Variants in ITGA2 observed in about 807,000 individuals in gnomAD.
ITGA2 encodes the protein integrin subunit alpha 2.
A neutral mutation model predicts 146.3 loss-of-function variants in ITGA2; 101 were observed. The observed-to-expected ratio is 0.69, with a 90% CI of 0.59 to 0.81. The LOEUF (loss-of-function observed/expected upper bound fraction) is 0.81, where lower values mean the gene tolerates loss of function less well. ITGA2 is among the 40% of genes least tolerant of loss of function. The pLI, the probability that ITGA2 is intolerant of heterozygous loss-of-function variation, is 0.00. For synonymous variants in ITGA2, 477 were observed against 487.1 expected, an observed-to-expected ratio of 0.98 and a Z score of 0.27; for missense variants, 1,281 against 1,402.7, an observed-to-expected ratio of 0.91 and a Z score of 1.39.
rs80331976 is a variant in ITGA2 at position 53,075,074 on chromosome 5, T to C, written c.2678T>C (p.Ile893Thr). The C allele has an allele frequency of 4.7e-3, 7,569 of 1,610,058 alleles. 33 individuals are homozygous for C. Among genetic ancestry groups the C allele is most frequent in the Non-Finnish European group, 5.5e-3 (6,442 of 1,177,514 alleles). Residue 893 changes from isoleucine (I) to threonine (T), a missense_variant, in exon 22 of 30, where the codon ATT becomes ACT. This residue lies in a region of ITGA2 where 475 missense variants were observed against 530.5 expected (regional missense o/e 0.90). Transcript: ENST00000296585. Reference protein sequence around the residue: ...LKREQQVTFTINFDFNLQNLQ... With the variant: ...LKREQQVTFTTNFDFNLQNLQ... ...TTTTGTCTTTAGGTGACTTTTACTA[T>C]TAACTTTGACTTCAATCTTCAAAAC...
intron 1 of ITGA2, among the ~76,000 whole-genome samples, chr5:53,006,727 G>A (rs1205051280): frequency 1.3e-5 from 2 of 152,128 alleles, no homozygotes; most frequent in East Asian, 1.9e-4. Flanking sequence ...AAGTGAAGCC[G>A]AAGTTTCAGG....
intron 26 of ITGA2, among the ~76,000 whole-genome samples, chr5:53,082,707 G>T (rs185086421): frequency 8.3e-4 from 127 of 152,184 alleles, no homozygotes; most frequent in Non-Finnish European, 1.5e-3. Context: ...TTACATTAGG[G>T]TTCACTCTTG....
Position 53,094,627 on chromosome 5 carries a change from A to C in ITGA2, c.*4028A>C, listed in dbSNP as rs879585300. The C allele has an allele frequency of 2.5e-4, 37 of 150,372 alleles. No homozygotes were observed. The highest frequency in any genetic ancestry group is 5.3e-4 in the Non-Finnish European group (36 of 67,642). The allele number at this position is 150,372 out of a possible 1,614,324, so 9.3% of individuals were successfully genotyped here. On this transcript the variant is annotated 3_prime_UTR_variant, in exon 30 of 30. Coordinates refer to ENST00000296585, the MANE Select transcript of ITGA2 (RefSeq NM_002203.4). ...TTTGATTTATGAGAAACAAAAATTA[A>C]ATTGTAGTCAACAGTTAGTAGTTTT...
chr5:53,085,835 T>G (rs1262909077), intron 27 of ITGA2, among the ~76,000 whole-genome samples: 3 of 152,214 alleles, frequency 2.0e-5, no homozygotes, highest in African/African-American at 7.2e-5. Flanking sequence ...TGCATTCCGC[T>G]TCACAGTAGC....
At chr5:53,056,566 C>A (rs1158073272) in intron 9 of ITGA2, among the ~76,000 whole-genome samples, 1 of 151,910 alleles carries the variant, frequency 6.6e-6, no homozygotes, top group Admixed American at 6.6e-5. Context: ...CTATTAGAAT[C>A]ATAAATAGTT....
intron 1 of ITGA2, among the ~76,000 whole-genome samples, chr5:53,004,120 G>T (rs1344260947): frequency 6.6e-6 from 1 of 152,074 alleles, no homozygotes; most frequent in East Asian, 1.9e-4. Context: ...CACTACTCCA[G>T]CTGCCCTAGA....
chr5:53,063,536 T>C (rs1194598830), intron 13 of ITGA2, among the ~76,000 whole-genome samples: 1 of 151,814 alleles, frequency 6.6e-6, no homozygotes, highest in Non-Finnish European at 1.5e-5. Context: ...AATCCATGTA[T>C]ATAAGTGTAG....
intron 1 of ITGA2, among the ~76,000 whole-genome samples, chr5:53,024,540 C>G (rs993283850): frequency 6.6e-6 from 1 of 152,050 alleles, no homozygotes; most frequent in African/African-American, 2.4e-5. Context: ...TAGGCACAGA[C>G]AAAAGAATAT....
rs200550681 is a variant in ITGA2 at position 53,026,821 on chromosome 5, A to T, written c.138A>T (p.Glu46Asp). The T allele has an allele frequency of 5.5e-5, 89 of 1,613,500 alleles. No individual in the cohort carries two copies. The highest frequency in any genetic ancestry group is 4.7e-5 in the Non-Finnish European group (56 of 1,179,584). Residue 46 changes from glutamate (E) to aspartate (D), a missense_variant, in exon 2 of 30, where the codon GAA becomes GAT. This residue lies in a region of ITGA2 where 795 missense variants were observed against 841.7 expected (regional missense o/e 0.94). Coordinates refer to ENST00000296585, the MANE Select transcript of ITGA2 (RefSeq NM_002203.4). ...AAATATTTTCCGGTCCTTCAAGTGA[A>T]CAGTTTGGCTATGCAGTGCAGCAGT... is the stretch of plus-strand genomic sequence containing the variant. Reference protein sequence around the residue: ...EAKIFSGPSSEQFGYAVQQFI... With the variant: ...EAKIFSGPSSDQFGYAVQQFI...
intron 1 of ITGA2, among the ~76,000 whole-genome samples, chr5:52,992,186 T>G (rs1044050263): frequency 2.0e-5 from 3 of 152,240 alleles, no homozygotes; most frequent in African/African-American, 7.2e-5. Context: ...TGAAACATCC[T>G]GTACTTCTGG....
intron 2 of ITGA2, among the ~76,000 whole-genome samples, chr5:53,027,404 A>C (rs946682011): frequency 2.0e-5 from 3 of 152,190 alleles, no homozygotes; most frequent in Admixed American, 6.5e-5. Flanking sequence ...CTAGCATATT[A>C]ACACCTTTTG....
chr5:53,034,927 G>A (rs1368852491), intron 2 of ITGA2, among the ~76,000 whole-genome samples: 1 of 152,146 alleles, frequency 6.6e-6, no homozygotes, highest in Non-Finnish European at 1.5e-5. Context: ...AAAAGGGCAG[G>A]GGTGCAGATA....
At chr5:53,003,843 C>T (rs924228519) in intron 1 of ITGA2, among the ~76,000 whole-genome samples, 2 of 152,016 alleles carry the variant, frequency 1.3e-5, no homozygotes, top group Non-Finnish European at 1.5e-5. Context: ...CAGAGTCTCA[C>T]GACGTTTGCC....
intron 15 of ITGA2, among the ~76,000 whole-genome samples, chr5:53,066,743 A>G (rs1379949440): frequency 1.3e-5 from 2 of 151,902 alleles, no homozygotes; most frequent in African/African-American, 4.8e-5. Flanking sequence ...TGAAACTTTT[A>G]TGTGGAAAAA....
intron 17 of ITGA2, among the ~76,000 whole-genome samples, chr5:53,070,732 T>G (rs1052333856): frequency 2.0e-5 from 3 of 151,902 alleles, no homozygotes; most frequent in Non-Finnish European, 4.4e-5. Flanking sequence ...TATGCTGTAA[T>G]TACTGTATTT....
At chr5:53,039,986 T>C (rs764488980) in intron 2 of ITGA2, among the ~76,000 whole-genome samples, 1 of 151,948 alleles carries the variant, frequency 6.6e-6, no homozygotes, top group Non-Finnish European at 1.5e-5. Context: ...TGGGGCAATA[T>C]GATTTTTTTT....
Position 53,093,536 on chromosome 5 carries a change from C to G in ITGA2, c.*2937C>G, listed in dbSNP as rs1045595463. 1 of 152,078 alleles carries G rather than the reference C, an allele frequency of 6.6e-6. No individual in the cohort carries two copies. The highest frequency in any genetic ancestry group is 2.4e-5 in the African/African-American group (1 of 41,364). The allele number at this position is 152,078 out of a possible 1,614,324, so 9.4% of individuals were successfully genotyped here. On this transcript the variant is annotated 3_prime_UTR_variant, in exon 30 of 30. Transcript: ENST00000296585. ...CTACCCGATGCCAGAGCATGCTCCC[C>G]CCGCAGTCATGACAATCAAAAAATG...
chr5:53,080,935 A>G (rs1284831555), intron 25 of ITGA2, among the ~76,000 whole-genome samples: 1 of 152,160 alleles, frequency 6.6e-6, no homozygotes, highest in Non-Finnish European at 1.5e-5. Context: ...GGAGCATAGC[A>G]GGTCTTCACA....
rs138795173 is a variant in ITGA2, at chr5:53,005,625, C to T, written c.64+16093C>T. The stretch of plus-strand genomic sequence containing the variant: ...GAAAGTGGGATAATAAATTGCTATG[C>T]CTTATTAAATTTCTCAAGAAGTGTG... On this transcript the variant is annotated intron_variant, in intron 1 of 29. Coordinates refer to ENST00000296585, the MANE Select transcript of ITGA2 (RefSeq NM_002203.4). Among the ~76,000 whole-genome samples the T allele has an allele frequency of 1.1e-3, 172 of 151,330 alleles. 2 individuals are homozygous for T. The South Asian group carries it at 0.027, about 23-fold the overall frequency.
Sources: gnomAD v4.1 joint callset for allele counts (sites outside exome capture counted in the v4.1 genomes callset) on GRCh38, gnomAD v4.1.1 for gene constraint, gnomAD v4.1.1 regional missense constraint, MANE v1.5 for transcripts, NCBI Gene and HGNC (gene_info 2026-07-23, HGNC 2026-07-21) for gene names.